The following PLEKHA3 variants were observed in gnomAD, a reference collection of about 807,000 sequenced individuals.
The protein encoded by PLEKHA3 is pleckstrin homology domain-containing family A member 3.
Under a neutral mutation model 39.2 loss-of-function variants are expected in PLEKHA3, and 19 were observed. The ratio of observed to expected loss-of-function variants is 0.48; its 90% CI spans 0.34 to 0.71. The LOEUF (loss-of-function observed/expected upper bound fraction) is 0.71. Among genes scored for constraint, PLEKHA3 ranks in the 30% least tolerant of loss-of-function variants. The probability of loss-of-function intolerance (pLI) is 0.01; values close to 1 mark genes in which losing one functional copy is unlikely to be tolerated. For missense variants in PLEKHA3, 253 were observed against 359.5 expected, an observed-to-expected ratio of 0.70 and a Z score of 2.40; for synonymous variants, 97 against 118.6, an observed-to-expected ratio of 0.82 and a Z score of 1.18.
At chr2:178,492,776 A>G (rs1026122684) in intron 3 of PLEKHA3, among the ~76,000 whole-genome samples, 37 of 152,176 alleles carry the variant, frequency 2.4e-4, no homozygotes, top group Non-Finnish European at 5.4e-4. Flanking sequence ...GTTAGTGTTT[A>G]GTGGGTACAG....
At position 178,480,759 on chromosome 2, in the gene PLEKHA3, C is replaced by A; in HGVS notation, c.-111C>A. 1 of 960,764 alleles carries A rather than the reference C, an allele frequency of 1.0e-6. No individual in the cohort carries two copies. Among genetic ancestry groups the A allele is most frequent in the Non-Finnish European group, 1.4e-6 (1 of 731,014 alleles). 59.5% of individuals were successfully genotyped at this position (960,764 alleles called of 1,614,324 possible). On this transcript the variant is annotated 5_prime_UTR_variant, in exon 1 of 8. Transcript: ENST00000234453. ...CGCGCAGGCAGAAAGCGGCTTCGTG[C>A]CGGCGGAGGGGGCCCGGGCGGGCCG...
At position 178,513,665 on chromosome 2, in the gene PLEKHA3, G is replaced by T. The variant is rs987087065; in HGVS notation, c.*9778G>T. 1 of 151,840 alleles carries T rather than the reference G, an allele frequency of 6.6e-6. No individual in the cohort carries two copies. The highest frequency in any genetic ancestry group is 1.5e-5 in the Non-Finnish European group (1 of 67,986). 9.4% of individuals were successfully genotyped at this position (151,840 alleles called of 1,614,324 possible). On this transcript the variant is annotated 3_prime_UTR_variant, in exon 8 of 8. Transcript: ENST00000234453. ...TTGGAATCATTTTAGTTTTCCAATT[G>T]ATTTTAAAAGTTTATCTATAGAAGA... is the stretch of plus-strand genomic sequence containing the variant.
At chr2:178,500,627 TCTC>T (rs1184944225) in intron 6 of PLEKHA3, among the ~76,000 whole-genome samples, 6 of 152,058 alleles carry the variant, frequency 3.9e-5, no homozygotes, top group African/African-American at 1.4e-4. Context: ...ATCTTTATCT[TCTC>T]TTGCTGTTGT....
At chr2:178,494,313 A>G (rs1431474152) in intron 4 of PLEKHA3, among the ~76,000 whole-genome samples, 1 of 152,176 alleles carries the variant, frequency 6.6e-6, no homozygotes, top group African/African-American at 2.4e-5. Context: ...GACAGCTGCT[A>G]TTCTCTTTTT....
rs1685698930 is a variant in PLEKHA3, at chr2:178,512,175, T to A, written c.*8288T>A. 6.6e-6 allele frequency: 1 copy of A among 152,230 alleles called. No individual in the cohort carries two copies. Among genetic ancestry groups the A allele is most frequent in the Non-Finnish European group, 1.5e-5 (1 of 68,042 alleles). The allele number at this position is 152,230 out of a possible 1,614,324, so 9.4% of individuals were successfully genotyped here. A position where few individuals can be genotyped will look rare whatever the true frequency, so the allele number is the denominator to read the frequency against. On this transcript the variant is annotated 3_prime_UTR_variant, in exon 8 of 8. Transcript: ENST00000234453. ...TTATTTAGTATTTAAATTCACATGC[T>A]TCTTGATTTTTTTGGACTAGCATTA...
intron 2 of PLEKHA3, among the ~76,000 whole-genome samples, chr2:178,489,451 CTTTTTTTTTTT>C (rs71023445): frequency 2.8e-4 from 23 of 82,348 alleles, no homozygotes; most frequent in East Asian, 8.2e-4. Flanking sequence ...TCTTTTCCTT[CTTTTTTTTTTT>C]TTTTTTTTTT....
At chr2:178,485,556 G>A in intron 1 of PLEKHA3, 85 bp from the exon 2 acceptor site, 4 of 796,084 alleles carry the variant, frequency 5.0e-6, no homozygotes, top group Non-Finnish European at 8.6e-6. Flanking sequence ...AAATAATGTG[G>A]ATGGCAGGTT....
Position 178,510,007 on chromosome 2 carries a change from T to G in PLEKHA3, c.*6120T>G, listed in dbSNP as rs909407073. The G allele has an allele frequency of 6.6e-6, 1 of 152,242 alleles. No individual in the cohort carries two copies. The highest frequency in any genetic ancestry group is 6.5e-5 in the Admixed American group (1 of 15,280). 9.4% of individuals were successfully genotyped at this position (152,242 alleles called of 1,614,324 possible). On this transcript the variant is annotated 3_prime_UTR_variant, in exon 8 of 8. Coordinates refer to ENST00000234453, the MANE Select transcript of PLEKHA3 (RefSeq NM_019091.4). ...TGTCTCAGCCTCCTAGGCTACAGGC[T>G]AGGACTACAGGTGCTCGCCACCATG...
rs183960238 is a variant in PLEKHA3, at chr2:178,499,243, C to T, written c.648C>T (p.Cys216=). The T allele has an allele frequency of 3.2e-5, 51 of 1,610,616 alleles. No homozygotes were observed. The African/African-American group carries it at 5.4e-4, about 17-fold the overall frequency. Residue 216 remains cysteine (C), a synonymous_variant, in exon 6 of 8, where the codon TGC becomes TGT. Coordinates refer to ENST00000234453, the MANE Select transcript of PLEKHA3 (RefSeq NM_019091.4). ...GTTCTGTCAGCCACCCTGGTTCTTG[C>T]AGTTCAGAGAGGTAAAAGAACCTTT... is the stretch of plus-strand genomic sequence containing the variant. ...MKRSVSHPGS[C]SSERSSHSIK... is the part of the protein sequence containing the mutation.
At chr2:178,501,758 A>G (rs1685532267) in intron 7 of PLEKHA3, among the ~76,000 whole-genome samples, 1 of 151,990 alleles carries the variant, frequency 6.6e-6, no homozygotes, top group Non-Finnish European at 1.5e-5. Flanking sequence ...GTGTGTCAGA[A>G]TATCTAGTAA....
At chr2:178,494,253 G>A (rs1364912212) in intron 4 of PLEKHA3, among the ~76,000 whole-genome samples, 1 of 152,180 alleles carries the variant, frequency 6.6e-6, no homozygotes, top group Non-Finnish European at 1.5e-5. Flanking sequence ...TTGGAGTGGG[G>A]AAGAAGCATT....
At position 178,510,071 on chromosome 2, in the gene PLEKHA3, C is replaced by T. The variant is rs905574887; in HGVS notation, c.*6184C>T. 7 of 152,290 alleles carry T rather than the reference C, an allele frequency of 4.6e-5. No homozygotes were observed. Among genetic ancestry groups the T allele is most frequent in the African/African-American group, 1.7e-4 (7 of 41,534 alleles). The allele number at this position is 152,290 out of a possible 1,614,324, so 9.4% of individuals were successfully genotyped here. A position where few individuals can be genotyped will look rare whatever the true frequency, so the allele number is the denominator to read the frequency against. On this transcript the variant is annotated 3_prime_UTR_variant, in exon 8 of 8. Transcript: ENST00000234453. ...TGTATTTTTAATAGAGATGGGGTTT[C>T]ATCATATTAGTCAGGCTGGTCTTGA...
At chr2:178,496,502 C>T (rs1232193660) in intron 5 of PLEKHA3, among the ~76,000 whole-genome samples, 3 of 138,174 alleles carry the variant, frequency 2.2e-5, no homozygotes, top group South Asian at 2.3e-4. Context: ...TTACCTATCC[C>T]AGCAAATTTA....
intron 1 of PLEKHA3, among the ~76,000 whole-genome samples, chr2:178,484,622 A>C (rs993434676): frequency 6.6e-6 from 1 of 152,206 alleles, no homozygotes; most frequent in African/African-American, 2.4e-5. Flanking sequence ...ACGAACATCC[A>C]TGGTTTAAAA....
chr2:178,493,003 G>T (rs772669187), intron 3 of PLEKHA3, among the ~76,000 whole-genome samples: 19 of 152,232 alleles, frequency 1.2e-4, no homozygotes, highest in Non-Finnish European at 2.5e-4. Context: ...GATTAAATGC[G>T]CAGATAGAGC....
At chr2:178,482,519 C>G (rs1394873053) in intron 1 of PLEKHA3, among the ~76,000 whole-genome samples, 4 of 146,466 alleles carry the variant, frequency 2.7e-5, no homozygotes, top group East Asian at 4.2e-4. Flanking sequence ...TACCCACACA[C>G]TTCAGCCTGG....
At chr2:178,485,783 A>T in intron 2 of PLEKHA3, 26 bp downstream of exon 2, 1 of 1,544,404 alleles carries the variant, frequency 6.5e-7, no homozygotes, top group South Asian at 1.1e-5. Flanking sequence ...GAATTAGAGG[A>T]ATTGGAGGTT....
chr2:178,493,535 C>T (rs1326066287), intron 3 of PLEKHA3, among the ~76,000 whole-genome samples: 1 of 152,096 alleles, frequency 6.6e-6, no homozygotes, highest in Admixed American at 6.5e-5. Context: ...AATAAAAAAG[C>T]AATTCACAAA....
intron 3 of PLEKHA3, among the ~76,000 whole-genome samples, chr2:178,492,759 A>C (rs1415674191): frequency 6.6e-6 from 1 of 152,156 alleles, no homozygotes; most frequent in Non-Finnish European, 1.5e-5. Flanking sequence ...GGGGAGGTGG[A>C]AACAGGGTTA....
Sources: allele counts gnomAD v4.1 joint callset (sites outside exome capture counted in the v4.1 genomes callset), GRCh38; gene constraint gnomAD v4.1.1; transcripts MANE v1.5; gene names NCBI Gene and HGNC (gene_info 2026-07-23, HGNC 2026-07-21).